MXRA7: variants seen among roughly 807,000 people sequenced by gnomAD.
MXRA7 encodes the protein matrix remodeling associated 7.
Under a neutral mutation model 17.4 loss-of-function variants are expected in MXRA7, and 18 were observed. The ratio of observed to expected loss-of-function variants is 1.03; its 90% CI spans 0.71 to 1.53. The LOEUF is 1.53. Among genes scored for constraint, MXRA7 ranks in the 40% most tolerant of loss-of-function variants. The pLI, the probability that MXRA7 is intolerant of heterozygous loss-of-function variation, is 0.00. For missense variants in MXRA7, 141 were observed against 209.3 expected (o/e 0.67, Z 2.01); for synonymous variants, 70 against 101.7 (o/e 0.69, Z 1.87).
intron 1 of MXRA7, among the ~76,000 whole-genome samples, chr17:76,695,046 G>A (rs1194562237): frequency 6.6e-6 from 1 of 152,112 alleles, no homozygotes; most frequent in Non-Finnish European, 1.5e-5. Flanking sequence ...TGTAATCCCA[G>A]CTACTTGGGA....
rs1052690873 is a variant in MXRA7, at chr17:76,700,449, A to G, written c.342+10156T>C. Reference sequence around the variant, plus strand: ...GCAGTCTTCCTCTCTGGGGCATAACATAACAGCACGAGGGCAAGAACTGCA... The same window carrying G: ...GCAGTCTTCCTCTCTGGGGCATAACGTAACAGCACGAGGGCAAGAACTGCA... On this transcript the variant is annotated intron_variant, in intron 1 of 3. Coordinates refer to ENST00000449428, the MANE Select transcript of MXRA7 (RefSeq NM_198530.4). Among the ~76,000 whole-genome samples, 5 of 152,282 alleles carry G rather than the reference A, an allele frequency of 3.3e-5. No individual in the cohort carries two copies. The South Asian group carries it at 6.2e-4, about 19-fold the overall frequency.
downstream of MXRA7, chr17:76,675,842 C>T (rs1367199169): frequency 2.6e-5 from 4 of 152,180 alleles, no homozygotes; most frequent in African/African-American, 4.8e-5. Flanking sequence ...CCCTGGCAGG[C>T]AAGAGGCGAC....
chr17:76,697,736 C>A (rs942543099), intron 1 of MXRA7, among the ~76,000 whole-genome samples: 1 of 152,184 alleles, frequency 6.6e-6, no homozygotes, highest in Non-Finnish European at 1.5e-5. Context: ...GACCAGGGTG[C>A]CCCGGAGGCC....
intron 1 of MXRA7, chr17:76,688,970 A>C: frequency 2.0e-5 from 4 of 202,132 alleles, no homozygotes; most frequent in Non-Finnish European, 3.0e-5. Flanking sequence ...TCCCTAACAA[A>C]ACACTGAGCT....
Position 76,685,155 on chromosome 17 carries a change from G to A in MXRA7, c.417C>T (p.Phe139=), listed in dbSNP as rs2076373169. 12 of 1,613,672 alleles carry A rather than the reference G, an allele frequency of 7.4e-6. 1 individual carries two copies. The highest frequency in any genetic ancestry group is 1.6e-4 in the Middle Eastern group (1 of 6,082). Residue 139 remains phenylalanine (F), a synonymous_variant, in exon 3 of 4, where the codon TTC becomes TTT. Coordinates refer to ENST00000449428, the MANE Select transcript of MXRA7 (RefSeq NM_198530.4). ...GCTTCCCGGGGCTGTATTTGAAGGA[G>A]AAGCCTTCTCCTGTGGAGGGGGGAC... ...EGPEEEDGEG[F]SFKYSPGKLR... is the part of the protein sequence containing the mutation.
rs748049056 is a variant in MXRA7 at position 76,685,057 on chromosome 17, G to T, written c.500+15C>A. On this transcript the variant is annotated intron_variant, in intron 3 of 3. Transcript: ENST00000449428. ...CAAGAGCCCGCCAGGCGCCAGCGAA[G>T]GGGCTGCAGCCTACCTCTGCTCCTC... The T allele has an allele frequency of 1.2e-6, 2 of 1,610,584 alleles. No homozygotes were observed. Among genetic ancestry groups the T allele is most frequent in the Non-Finnish European group, 8.5e-7 (1 of 1,176,980 alleles).
At chr17:76,694,582 C>T (rs972741520) in intron 1 of MXRA7, among the ~76,000 whole-genome samples, 1 of 151,758 alleles carries the variant, frequency 6.6e-6, no homozygotes, top group Non-Finnish European at 1.5e-5. Context: ...GAATGAATTC[C>T]AATTATTATT....
chr17:76,706,190 CATCACA>C lies in MXRA7; in HGVS notation c.342+4409_342+4414del, dbSNP rs1319596865. ...CTGCCGTCACAGAGGCCCACGCTGC[CATCACA>C]GAGGCCCACGCTGCCATCACAAAGG... On this transcript the variant is annotated intron_variant, in intron 1 of 3. Transcript: ENST00000449428. Among the ~76,000 whole-genome samples, 67 of 146,230 alleles carry C rather than the reference CATCACA, an allele frequency of 4.6e-4. 4 individuals carry two copies. Among genetic ancestry groups the C allele is most frequent in the South Asian group, 1.7e-3 (8 of 4,684 alleles).
downstream of MXRA7, chr17:76,674,887 G>C (rs2076227995): frequency 6.6e-6 from 1 of 152,230 alleles, no homozygotes; most frequent in South Asian, 2.1e-4. Flanking sequence ...CCCTTTTCTT[G>C]CTTCTGGATG....
chr17:76,683,928 CT>C, intron 3 of MXRA7: 1 of 1,613,236 alleles, frequency 6.2e-7, no homozygotes. Flanking sequence ...CAGCTCAATC[CT>C]GAAATATAAA....
chr17:76,685,049 C>T, intron 3 of MXRA7, 23 bp downstream of exon 3: 2 of 1,603,020 alleles, frequency 1.2e-6, no homozygotes, highest in Non-Finnish European at 1.7e-6. Flanking sequence ...CCGCCAGGCG[C>T]CAGCGAAGGG....
At chr17:76,703,310 C>T (rs1410962818) in intron 1 of MXRA7, among the ~76,000 whole-genome samples, 1 of 152,134 alleles carries the variant, frequency 6.6e-6, no homozygotes, top group East Asian at 1.9e-4. Flanking sequence ...TAAATACACA[C>T]ATACACAGGC....
At chr17:76,678,877 T>G (rs1272741197), downstream of MXRA7, among the ~76,000 whole-genome samples, 3 of 152,186 alleles carry the variant, frequency 2.0e-5, no homozygotes, top group Non-Finnish European at 4.4e-5. Flanking sequence ...GAGCAGCATC[T>G]AGTAGTTGAA....
intron 1 of MXRA7, among the ~76,000 whole-genome samples, chr17:76,696,987 GC>G: frequency 6.6e-6 from 1 of 152,296 alleles, no homozygotes; most frequent in South Asian, 2.1e-4. Flanking sequence ...CATCATCACC[GC>G]GGAGTTCCTG....
At chr17:76,698,248 C>T (rs1046807608) in intron 1 of MXRA7, among the ~76,000 whole-genome samples, 1 of 152,184 alleles carries the variant, frequency 6.6e-6, no homozygotes, top group Non-Finnish European at 1.5e-5. Context: ...CCTGCCCAGG[C>T]CCCCCAACCC....
At chr17:76,688,698 G>C (rs1026614016) in intron 1 of MXRA7, 6 of 1,233,874 alleles carry the variant, frequency 4.9e-6, no homozygotes, top group Middle Eastern at 2.1e-4. Flanking sequence ...CCCACACAGA[G>C]ACACAATAAA....
chr17:76,693,701 G>T (rs760969774), intron 1 of MXRA7, among the ~76,000 whole-genome samples: 109 of 152,026 alleles, frequency 7.2e-4, no homozygotes, highest in Non-Finnish European at 1.2e-3. Flanking sequence ...ACAAAAATTA[G>T]CTGGGCATGG....
At chr17:76,690,837 A>C (rs780465763) in intron 1 of MXRA7, among the ~76,000 whole-genome samples, 38 of 151,988 alleles carry the variant, frequency 2.5e-4, no homozygotes, top group Non-Finnish European at 5.0e-4. Context: ...CCTCTGGAAT[A>C]GCTGGGATCA....
At chr17:76,700,408 C>T (rs1055604043) in intron 1 of MXRA7, among the ~76,000 whole-genome samples, 1 of 151,656 alleles carries the variant, frequency 6.6e-6, no homozygotes, top group Non-Finnish European at 1.5e-5. Context: ...GCACAGGAAA[C>T]TCACTACCTT....
Sources: gnomAD v4.1 joint callset for allele counts (sites outside exome capture counted in the v4.1 genomes callset) on GRCh38, gnomAD v4.1.1 for gene constraint, MANE v1.5 for transcripts, NCBI Gene and HGNC (gene_info 2026-07-23, HGNC 2026-07-21) for gene names.